Variants in WDR1 observed in about 807,000 individuals in gnomAD.
WDR1 encodes the protein WD repeat-containing protein 1.
Under a neutral mutation model 71.9 loss-of-function variants are expected in WDR1, and 21 were observed. The observed-to-expected ratio is 0.29, with a 90% confidence interval of 0.21 to 0.42. The LOEUF is 0.42. WDR1 is among the 10% of genes least tolerant of loss of function. WDR1 has a pLI of 1.00. For synonymous variants in WDR1, 424 were observed against 347.4 expected (o/e 1.22, Z -2.45); for missense variants, 696 against 824.5 (o/e 0.84, Z 1.91).
At chr4:10,114,577 A>T (rs1713593517) in intron 2 of WDR1, among the ~76,000 whole-genome samples, 1 of 152,234 alleles carries the variant, frequency 6.6e-6, no homozygotes, top group Non-Finnish European at 1.5e-5. Context: ...AAAACGAAAT[A>T]TCCTACTGCT....
At chr4:10,114,898 C>T (rs1713615724) in intron 2 of WDR1, among the ~76,000 whole-genome samples, 1 of 152,216 alleles carries the variant, frequency 6.6e-6, no homozygotes, top group African/African-American at 2.4e-5. Flanking sequence ...CAGCGACTGC[C>T]TGGGTTAACG....
chr4:10,116,620 C>A (rs1002676150), intron 1 of WDR1, 31 bp downstream of exon 1: 1 of 1,216,762 alleles, frequency 8.2e-7, no homozygotes, highest in African/African-American at 1.6e-5. Flanking sequence ...AGCGCGGCGG[C>A]CGCTCGGGGG....
intron 1 of WDR1, 151 bp downstream of exon 1, chr4:10,116,500 A>C: frequency 1.2e-5 from 7 of 589,562 alleles, no homozygotes; most frequent in Non-Finnish European, 1.5e-5. Flanking sequence ...GCCCTGCACC[A>C]CCGAGGGCGG....
intron 8 of WDR1, among the ~76,000 whole-genome samples, chr4:10,085,554 C>T (rs1765177136): frequency 6.6e-6 from 1 of 152,242 alleles, no homozygotes; most frequent in Non-Finnish European, 1.5e-5. Context: ...GGCTCAGGCC[C>T]ACCTTCCTGC....
chr4:10,104,230 A>AT (rs143744966), intron 2 of WDR1, among the ~76,000 whole-genome samples: 6 of 152,172 alleles, frequency 3.9e-5, no homozygotes, highest in South Asian at 2.1e-4. Flanking sequence ...CAACAAGGTG[A>AT]TTTTTTTCCT....
Position 10,075,254 on chromosome 4 carries a change from C to T in WDR1, c.*124G>A. The T allele has an allele frequency of 1.3e-6, 1 of 792,360 alleles. No individual in the cohort carries two copies. The highest frequency in any genetic ancestry group is 2.1e-6 in the Non-Finnish European group (1 of 476,256). 49.1% of individuals were successfully genotyped at this position (792,360 alleles called of 1,614,324 possible). A position where few individuals can be genotyped will look rare whatever the true frequency, so the allele number is the denominator to read the frequency against. On this transcript the variant is annotated 3_prime_UTR_variant, in exon 15 of 15. Coordinates refer to ENST00000499869, the MANE Select transcript of WDR1 (RefSeq NM_017491.5). ...CAGAGACGAGGGTCATGACTGGGCC[C>T]TCCTGCCTCTTGTGGTGGGGTGGGG... is the stretch of plus-strand genomic sequence containing the variant.
intron 9 of WDR1, among the ~76,000 whole-genome samples, chr4:10,084,171 G>T (rs1765120266): frequency 6.6e-6 from 1 of 152,228 alleles, no homozygotes; most frequent in African/African-American, 2.4e-5. Flanking sequence ...CACACTCTCA[G>T]GGTTGCACGA....
chr4:10,088,463 G>C (rs538822115), intron 6 of WDR1, 90 bp from the exon 7 acceptor site: 3 of 1,339,684 alleles, frequency 2.2e-6, no homozygotes, highest in East Asian at 2.5e-5. Flanking sequence ...GTAGAAAACC[G>C]GGGCTCACAG....
At position 10,099,082 on chromosome 4, in the gene WDR1, T is replaced by C. The variant is rs759475217; in HGVS notation, c.287A>G (p.Tyr96Cys). 2.5e-5 allele frequency: 40 copies of C among 1,608,828 alleles called. No individual in the cohort carries two copies. Among genetic ancestry groups the C allele is most frequent in the Non-Finnish European group, 2.4e-5 (28 of 1,177,002 alleles). Residue 96 changes from tyrosine (Y) to cysteine (C), a missense_variant, in exon 4 of 15, where the codon TAT (tyrosine) becomes TGT (cysteine). Physicochemically the swap from Tyr to Cys is radical, Grantham distance 194. Coordinates refer to ENST00000499869, the MANE Select transcript of WDR1 (RefSeq NM_017491.5). ...CTTCCCAGCGAAAGGCTGGTACTCA[T>C]ACTTCAACAGGTGCTCCTTCTGCGT... ...DTTQKEHLLK[Y>C]EYQPFAGKIK...
intron 3 of WDR1, among the ~76,000 whole-genome samples, chr4:10,100,627 CACTA>C (rs566751239): frequency 7.2e-5 from 11 of 152,316 alleles, no homozygotes; most frequent in African/African-American, 2.2e-4. Context: ...CAGTGAACAG[CACTA>C]ACTAAGGGGA....
intron 5 of WDR1, among the ~76,000 whole-genome samples, chr4:10,090,510 GA>G: frequency 6.6e-6 from 1 of 152,210 alleles, no homozygotes; most frequent in Non-Finnish European, 1.5e-5. Context: ...CTAGGCCCAA[GA>G]GTGATGCGAC....
intron 5 of WDR1, chr4:10,093,088 C>T (rs1032904271): frequency 7.8e-7 from 1 of 1,289,358 alleles, no homozygotes; most frequent in African/African-American, 1.5e-5. Context: ...TAATTAAGTA[C>T]CACACCCATG....
intron 2 of WDR1, among the ~76,000 whole-genome samples, chr4:10,111,738 T>C (rs1713377425): frequency 6.6e-6 from 1 of 152,054 alleles, no homozygotes; most frequent in South Asian, 2.1e-4. Flanking sequence ...GTGAGTCCTC[T>C]GCATGTGAAT....
intron 2 of WDR1, among the ~76,000 whole-genome samples, chr4:10,114,641 T>C (rs1713598604): frequency 6.6e-6 from 1 of 152,242 alleles, no homozygotes; most frequent in Admixed American, 6.5e-5. Flanking sequence ...TAAATATCTC[T>C]TTAGGGTTGT....
At chr4:10,083,775 G>A (rs1765105021) in intron 9 of WDR1, among the ~76,000 whole-genome samples, 2 of 152,218 alleles carry the variant, frequency 1.3e-5, no homozygotes, top group South Asian at 2.1e-4. Context: ...CGTGAGCAGG[G>A]TGTCACCAGC....
At chr4:10,111,608 G>A (rs1359840218) in intron 2 of WDR1, among the ~76,000 whole-genome samples, 3 of 152,184 alleles carry the variant, frequency 2.0e-5, no homozygotes, top group African/African-American at 4.8e-5. Flanking sequence ...ACCCCCACAG[G>A]CCAATGGCCA....
chr4:10,096,700 G>A (rs893939701), intron 5 of WDR1: 14 of 152,202 alleles, frequency 9.2e-5, no homozygotes, highest in Admixed American at 8.5e-4. Context: ...ATGGCATGAT[G>A]TCACTAAAAT....
Position 10,116,104 on chromosome 4 carries a change from G to A in WDR1, c.138+9C>T, listed in dbSNP as rs35782983. 0.18 allele frequency: 287,537 copies of A among 1,611,254 alleles called. 27,201 individuals carry two copies. Among genetic ancestry groups the A allele is most frequent in the Admixed American group, 0.22 (13,205 of 59,690 alleles). On this transcript the variant is annotated intron_variant, in intron 2 of 14. Coordinates refer to ENST00000499869, the MANE Select transcript of WDR1 (RefSeq NM_017491.5). ...GAGCAGAACCGCGCCCGGGGTAGGG[G>A]GTACTCACGTCGATGTTCCTTAGGA...
At chr4:10,103,352 C>T (rs1263190095) in intron 3 of WDR1, among the ~76,000 whole-genome samples, 1 of 151,948 alleles carries the variant, frequency 6.6e-6, no homozygotes, top group Non-Finnish European at 1.5e-5. Flanking sequence ...CATACCATGC[C>T]ATGGCTTCCC....
Sources: gnomAD v4.1 joint callset for allele counts (sites outside exome capture counted in the v4.1 genomes callset) on GRCh38, gnomAD v4.1.1 for gene constraint, MANE v1.5 for transcripts, NCBI Gene and HGNC (gene_info 2026-07-23, HGNC 2026-07-21) for gene names.